The following ZNF326 variants were observed in gnomAD, a reference collection of about 807,000 sequenced individuals.
ZNF326 encodes zinc finger protein 326.
ZNF326 carries 30 observed loss-of-function variants against 63.1 expected under a neutral mutation model. That is an observed-to-expected ratio of 0.48 (90% CI 0.36 to 0.64). ZNF326 has a LOEUF of 0.64. Among genes scored for constraint, ZNF326 ranks in the 30% least tolerant of loss-of-function variants. The pLI is 0.00. For synonymous variants in ZNF326, 194 were observed against 228.2 expected, an observed-to-expected ratio of 0.85 and a Z score of 1.35; for missense variants, 609 against 720.3, an observed-to-expected ratio of 0.85 and a Z score of 1.77.
chr1:89,997,238 A>G (rs1648422186), intron 1 of ZNF326, among the ~76,000 whole-genome samples: 1 of 152,254 alleles, frequency 6.6e-6, no homozygotes, highest in Non-Finnish European at 1.5e-5. Context: ...TTGTAAAATT[A>G]ACTAAAGAAT....
At chr1:90,024,535 C>A (rs890886881) in intron 11 of ZNF326, among the ~76,000 whole-genome samples, 1 of 152,144 alleles carries the variant, frequency 6.6e-6, no homozygotes, top group South Asian at 2.1e-4. Context: ...TAATGTGTTT[C>A]CTGTAGTGAC....
intron 6 of ZNF326, among the ~76,000 whole-genome samples, chr1:90,012,858 A>G (rs1649319228): frequency 6.6e-6 from 1 of 152,192 alleles, no homozygotes; most frequent in South Asian, 2.1e-4. Flanking sequence ...ACAAATGAGC[A>G]CATTTAAAGA....
intron 1 of ZNF326, 105 bp downstream of exon 1, chr1:89,995,378 G>A: frequency 3.6e-6 from 5 of 1,392,594 alleles, no homozygotes; most frequent in Non-Finnish European, 9.5e-7. Context: ...TTTGTTCTGC[G>A]GGCCCGGAGG....
rs1206405793 is a variant in ZNF326, at chr1:90,029,138, T to C, written c.*1437T>C. 6.6e-6 allele frequency: 1 copy of C among 152,192 alleles called. No individual in the cohort carries two copies. Among genetic ancestry groups the C allele is most frequent in the African/African-American group, 2.4e-5 (1 of 41,450 alleles). The allele number at this position is 152,192 out of a possible 1,614,324, so 9.4% of individuals were successfully genotyped here. On this transcript the variant is annotated 3_prime_UTR_variant, in exon 12 of 12. Coordinates refer to ENST00000340281, the MANE Select transcript of ZNF326 (RefSeq NM_182976.4). Reference sequence around the variant, plus strand: ...GTATTTCAGTGAAATTAGAAAAGTTTTGAGGCATCGAATGGATAAATGGAT... The same window carrying C: ...GTATTTCAGTGAAATTAGAAAAGTTCTGAGGCATCGAATGGATAAATGGAT...
In ZNF326 at chr1:90,020,945, T is replaced by A. The variant is rs372193074; in HGVS notation, c.1305+23T>A. On this transcript the variant is annotated intron_variant, in intron 10 of 11. Coordinates refer to ENST00000340281, the MANE Select transcript of ZNF326 (RefSeq NM_182976.4). Reference sequence around the variant, plus strand: ...CAGGTAAAATTTTCATCTGTCTTAATAAAGTTGCCAGATTATCCATCAATC... The same window carrying A: ...CAGGTAAAATTTTCATCTGTCTTAAAAAAGTTGCCAGATTATCCATCAATC... The A allele has an allele frequency of 1.9e-4, 313 of 1,607,086 alleles. 1 individual carries two copies. Among genetic ancestry groups the A allele is most frequent in the Non-Finnish European group, 2.4e-4 (288 of 1,177,224 alleles).
In ZNF326 at chr1:90,007,392, G is replaced by A. The variant is rs762226274; in HGVS notation, c.257G>A (p.Arg86Gln). The A allele has an allele frequency of 9.3e-6, 15 of 1,611,996 alleles. No homozygotes were observed. The highest frequency in any genetic ancestry group is 2.2e-5 in the East Asian group (1 of 44,788). The stretch of plus-strand genomic sequence containing the variant: ...GACTCCAGGTCTTCTCTGGGTGGGC[G>A]AGATCTGTACAGATCTGGCTATGGT... ...SYDSRSSLGG[R>Q]DLYRSGYGFN... The change falls in exon 5 of 12, where the codon CGA (arginine) becomes CAA (glutamine). Residue 86 changes from arginine to glutamine, a missense_variant. Around this residue, in one of 3 missense-constraint regions of ZNF326, gnomAD observed 113 missense variants for 187.4 expected, o/e 0.60. Transcript: ENST00000340281. The surrounding 1 kb of genome is among the most constrained non-coding windows in gnomAD (Gnocchi z 4.9).
At chr1:90,023,577 C>T (rs1649872311) in intron 11 of ZNF326, among the ~76,000 whole-genome samples, 1 of 152,088 alleles carries the variant, frequency 6.6e-6, no homozygotes, top group Non-Finnish European at 1.5e-5. Flanking sequence ...ATGAATGCAG[C>T]CCTCAATTGA....
chr1:90,004,779 T>G (rs1222879373), intron 2 of ZNF326, among the ~76,000 whole-genome samples: 1 of 149,740 alleles, frequency 6.7e-6, no homozygotes, highest in African/African-American at 2.4e-5. Context: ...AAAATATGTT[T>G]TTCTTTGAAA....
chr1:90,006,080 C>T (rs982994928), intron 4 of ZNF326: 10 of 985,202 alleles, frequency 1.0e-5, no homozygotes, highest in East Asian at 1.1e-4. Flanking sequence ...TTGAAGGATC[C>T]GGATTCCTTA....
Position 89,995,162 on chromosome 1 carries a change from C to T in ZNF326, c.-96C>T. The T allele has an allele frequency of 7.0e-7, 1 of 1,432,732 alleles. No individual in the cohort carries two copies. The highest frequency in any genetic ancestry group is 9.4e-7 in the Non-Finnish European group (1 of 1,066,630). The allele number at this position is 1,432,732 out of a possible 1,614,324, so 88.8% of individuals were successfully genotyped here. A position where few individuals can be genotyped will look rare whatever the true frequency, so the allele number is the denominator to read the frequency against. ...GCTGGTAGCGCGCCGCTCTCGGTCG[C>T]GCGGAGTGATCGTGTGGAATCGCGG... is the stretch of plus-strand genomic sequence containing the variant. On this transcript the variant is annotated 5_prime_UTR_variant, in exon 1 of 12. Transcript: ENST00000340281.
In ZNF326 at chr1:90,034,727, G is replaced by A. The variant is rs1325794573; in HGVS notation, c.*7026G>A. 1 of 152,124 alleles carries A rather than the reference G, an allele frequency of 6.6e-6. No individual in the cohort carries two copies. Among genetic ancestry groups the A allele is most frequent in the Non-Finnish European group, 1.5e-5 (1 of 68,000 alleles). The allele number at this position is 152,124 out of a possible 1,614,324, so 9.4% of individuals were successfully genotyped here. On this transcript the variant is annotated 3_prime_UTR_variant, in exon 12 of 12. Coordinates refer to ENST00000340281, the MANE Select transcript of ZNF326 (RefSeq NM_182976.4). ...AGAGAATCTTTATTTTATTTAAGCAGTTCTAGATTATACAAAATGTTGAAA... is the reference window on the plus strand; with the variant it reads ...AGAGAATCTTTATTTTATTTAAGCAATTCTAGATTATACAAAATGTTGAAA...
At chr1:90,005,897 T>C in intron 4 of ZNF326, 6 of 985,418 alleles carry the variant, frequency 6.1e-6, no homozygotes, top group Non-Finnish European at 7.2e-6. Context: ...AGATTGTATT[T>C]ATATTTTCCT....
At chr1:90,009,932 T>G (rs1044734381) in intron 5 of ZNF326, among the ~76,000 whole-genome samples, 156 bp from the exon 6 acceptor site, 2 of 152,186 alleles carry the variant, frequency 1.3e-5, no homozygotes, top group South Asian at 2.1e-4. Context: ...TACAGAGTTT[T>G]TCAATGTGTT....
chr1:89,998,078 C>A (rs769285401), intron 1 of ZNF326, 32 bp from the exon 2 acceptor site: 1 of 1,593,836 alleles, frequency 6.3e-7, no homozygotes, highest in South Asian at 1.1e-5. Context: ...TAATATCACA[C>A]TAATTCCTTT....
intron 2 of ZNF326, among the ~76,000 whole-genome samples, chr1:90,003,357 C>A (rs1648790560): frequency 6.6e-6 from 1 of 152,148 alleles, no homozygotes; most frequent in Non-Finnish European, 1.5e-5. Context: ...TGGTCTTGAT[C>A]TCCTGACCTC....
Position 90,027,974 on chromosome 1 carries a change from G to C in ZNF326, c.*273G>C. ...ATTTTTATTACTTTATTGGTGTTAA[G>C]GATAACAAATGTGTATTGTTAGTAT... On this transcript the variant is annotated 3_prime_UTR_variant, in exon 12 of 12. Transcript: ENST00000340281. The C allele has an allele frequency of 2.5e-6, 1 of 401,004 alleles. No individual in the cohort carries two copies. Among genetic ancestry groups the C allele is most frequent in the Non-Finnish European group, 4.4e-6 (1 of 224,770 alleles). 24.8% of individuals were successfully genotyped at this position (401,004 alleles called of 1,614,324 possible).
rs1422295177 is a variant in ZNF326, at chr1:90,030,139, A to G, written c.*2438A>G. ...TATTATTCGCTTTTTATCACTTTCTACCTACAGTCTACCAAAAAGTCTGTC... is the reference window on the plus strand; with the variant it reads ...TATTATTCGCTTTTTATCACTTTCTGCCTACAGTCTACCAAAAAGTCTGTC... On this transcript the variant is annotated 3_prime_UTR_variant, in exon 12 of 12. Transcript: ENST00000340281. 2 of 152,130 alleles carry G rather than the reference A, an allele frequency of 1.3e-5. No individual in the cohort carries two copies. The highest frequency in any genetic ancestry group is 2.9e-5 in the Non-Finnish European group (2 of 68,022). 9.4% of individuals were successfully genotyped at this position (152,130 alleles called of 1,614,324 possible).
Position 89,995,230 on chromosome 1 carries a change from C to G in ZNF326, c.-28C>G. On this transcript the variant is annotated 5_prime_UTR_variant, in exon 1 of 12. Coordinates refer to ENST00000340281, the MANE Select transcript of ZNF326 (RefSeq NM_182976.4). ...CCGGCCATAGCTCAGCCTAGCGCCGCCAAGGCCGACGGCCCTCAGCCTCTG... is the reference window on the plus strand; with the variant it reads ...CCGGCCATAGCTCAGCCTAGCGCCGGCAAGGCCGACGGCCCTCAGCCTCTG... 1 of 1,544,824 alleles carries G rather than the reference C, an allele frequency of 6.5e-7. No homozygotes were observed. The highest frequency in any genetic ancestry group is 8.7e-7 in the Non-Finnish European group (1 of 1,147,904).
rs906347935 is a variant in ZNF326 at position 90,029,336 on chromosome 1, T to G, written c.*1635T>G. 6.6e-6 allele frequency: 1 copy of G among 151,906 alleles called. No homozygotes were observed. Among genetic ancestry groups the G allele is most frequent in the Non-Finnish European group, 1.5e-5 (1 of 67,974 alleles). 9.4% of individuals were successfully genotyped at this position (151,906 alleles called of 1,614,324 possible). On this transcript the variant is annotated 3_prime_UTR_variant, in exon 12 of 12. Coordinates refer to ENST00000340281, the MANE Select transcript of ZNF326 (RefSeq NM_182976.4). The stretch of plus-strand genomic sequence containing the variant: ...TTTGCCTAGCTTTAAGCTAGCAATA[T>G]CTGATAGATACTTGCATCTAATTTT...
Sources: gnomAD v4.1 joint callset for allele counts (sites outside exome capture counted in the v4.1 genomes callset) on GRCh38, gnomAD v4.1.1 for gene constraint, gnomAD v4.1.1 regional missense constraint, Gnocchi (gnomAD v3.1) non-coding constraint, MANE v1.5 for transcripts, NCBI Gene and HGNC (gene_info 2026-07-23, HGNC 2026-07-21) for gene names.